Variants in ROBO2 observed in about 807,000 individuals in gnomAD.
ROBO2 encodes roundabout homolog 2.
A neutral mutation model predicts 160.8 loss-of-function variants in ROBO2; 53 were observed. That is an observed-to-expected ratio of 0.33 (90% CI 0.26 to 0.41). ROBO2 has a LOEUF of 0.41. Ranked by LOEUF, ROBO2 falls within the 10% of genes least tolerant of loss-of-function variation. The probability of loss-of-function intolerance (pLI) is 1.00; values close to 1 mark genes in which losing one functional copy is unlikely to be tolerated. For synonymous variants in ROBO2, 664 were observed against 611.7 expected, an observed-to-expected ratio of 1.09 and a Z score of -1.26; for missense variants, 1,577 against 1,722.4, an observed-to-expected ratio of 0.92 and a Z score of 1.49.
intron 2 of ROBO2, among the ~76,000 whole-genome samples, chr3:76,508,093 T>C (rs1008570029): frequency 3.9e-5 from 6 of 152,176 alleles, no homozygotes; most frequent in Non-Finnish European, 8.8e-5. Flanking sequence ...ACCTACACAA[T>C]TTCAAGTACG....
At chr3:76,028,260 G>GAT (rs397690886) in intron 2 of ROBO2, among the ~76,000 whole-genome samples, 2 of 151,172 alleles carry the variant, frequency 1.3e-5, no homozygotes, top group East Asian at 3.9e-4. Context: ...AAATATGAGA[G>GAT]GATAATAATA....
At chr3:76,946,317 G>C (rs2078535916) in intron 2 of ROBO2, among the ~76,000 whole-genome samples, 1 of 152,058 alleles carries the variant, frequency 6.6e-6, no homozygotes, top group Admixed American at 6.6e-5. Flanking sequence ...TCTGTCCAGG[G>C]GTGGGGATTT....
At chr3:76,584,139 C>T (rs1365423717) in intron 2 of ROBO2, among the ~76,000 whole-genome samples, 2 of 152,248 alleles carry the variant, frequency 1.3e-5, no homozygotes, top group African/African-American at 4.8e-5. Context: ...CTGCCTGTCA[C>T]TCCCAGAAAA....
At chr3:76,417,712 A>C (rs2075811996) in intron 2 of ROBO2, among the ~76,000 whole-genome samples, 1 of 152,164 alleles carries the variant, frequency 6.6e-6, no homozygotes, top group Admixed American at 6.5e-5. Flanking sequence ...AAAAATCAAA[A>C]TTCATATTGA....
At chr3:77,515,638 T>C (rs2089934817) in intron 5 of ROBO2, among the ~76,000 whole-genome samples, 1 of 151,658 alleles carries the variant, frequency 6.6e-6, no homozygotes, top group African/African-American at 2.4e-5. Flanking sequence ...AGCTACTCTT[T>C]TGGTAGTATA....
At chr3:77,102,621 G>T (rs892128301) in intron 2 of ROBO2, among the ~76,000 whole-genome samples, 3 of 151,782 alleles carry the variant, frequency 2.0e-5, no homozygotes, top group Admixed American at 6.6e-5. Context: ...AAAAATGTTC[G>T]ATTCTACTAT....
intron 2 of ROBO2, among the ~76,000 whole-genome samples, chr3:76,380,257 A>T (rs779956290): frequency 6.6e-6 from 1 of 152,156 alleles, no homozygotes; most frequent in Non-Finnish European, 1.5e-5. Context: ...CTATAGAAAG[A>T]TTTGGCACAC....
At chr3:76,760,440 T>C (rs1248117122) in intron 2 of ROBO2, among the ~76,000 whole-genome samples, 1 of 151,664 alleles carries the variant, frequency 6.6e-6, no homozygotes, top group Non-Finnish European at 1.5e-5. Context: ...TATAGCAAAA[T>C]GCCAAGAACA....
chr3:76,154,373 A>G (rs1559597629), intron 2 of ROBO2, among the ~76,000 whole-genome samples: 1 of 152,128 alleles, frequency 6.6e-6, no homozygotes, highest in Non-Finnish European at 1.5e-5. Flanking sequence ...TGAAAAATTC[A>G]GGGGTTTTTA....
intron 2 of ROBO2, among the ~76,000 whole-genome samples, chr3:76,457,658 G>T (rs1280932994): frequency 6.6e-6 from 1 of 152,296 alleles, no homozygotes; most frequent in South Asian, 2.1e-4. Context: ...CTTCCACACT[G>T]TGCTAGCTGA....
chr3:76,434,197 G>A (rs1265527258), intron 2 of ROBO2: 2 of 1,104,762 alleles, frequency 1.8e-6, no homozygotes, highest in Non-Finnish European at 2.8e-6. Flanking sequence ...GAGACTGGGG[G>A]AGACGTGCAG....
chr3:76,979,351 T>G (rs2059974429), intron 2 of ROBO2, among the ~76,000 whole-genome samples: 1 of 152,068 alleles, frequency 6.6e-6, no homozygotes. Context: ...TAATTTCTCA[T>G]CCCTCAGCTC....
At chr3:76,659,792 G>T (rs1430013301) in intron 2 of ROBO2, among the ~76,000 whole-genome samples, 1 of 152,166 alleles carries the variant, frequency 6.6e-6, no homozygotes. Context: ...TACCACCACT[G>T]AGGGTTATTC....
At chr3:77,273,979 C>T (rs2059663056) in intron 2 of ROBO2, among the ~76,000 whole-genome samples, 1 of 135,446 alleles carries the variant, frequency 7.4e-6, no homozygotes, top group African/African-American at 2.4e-5. Context: ...CAAGTTGATA[C>T]TTTTTCCTGT....
intron 2 of ROBO2, among the ~76,000 whole-genome samples, chr3:76,685,590 TG>T (rs1300851197): frequency 1.3e-5 from 2 of 152,140 alleles, no homozygotes; most frequent in Non-Finnish European, 2.9e-5. Flanking sequence ...TCATGAATTC[TG>T]GGTTTTTCCA....
intron 2 of ROBO2, among the ~76,000 whole-genome samples, chr3:77,275,955 A>C (rs2059797455): frequency 6.6e-6 from 1 of 152,154 alleles, no homozygotes; most frequent in African/African-American, 2.4e-5. Flanking sequence ...GCTTTTTCTC[A>C]GTGATGACAT....
At chr3:76,225,584 A>G (rs1361783852) in intron 2 of ROBO2, among the ~76,000 whole-genome samples, 1 of 152,088 alleles carries the variant, frequency 6.6e-6, no homozygotes, top group African/African-American at 2.4e-5. Flanking sequence ...GCATGGCAGC[A>G]TGTGCCTGTA....
At chr3:77,620,301 C>T (rs148376583) in intron 22 of ROBO2, among the ~76,000 whole-genome samples, 4 of 152,246 alleles carry the variant, frequency 2.6e-5, no homozygotes, top group African/African-American at 9.6e-5. Flanking sequence ...TCTATTGATT[C>T]GTGAAGTAAA....
chr3:77,196,606 AT>A (rs1355016862), intron 2 of ROBO2, among the ~76,000 whole-genome samples: 2 of 152,072 alleles, frequency 1.3e-5, no homozygotes, highest in Non-Finnish European at 2.9e-5. Flanking sequence ...ACTTAAATAC[AT>A]TGTGGCAGTT....
Sources: allele counts gnomAD v4.1 joint callset (sites outside exome capture counted in the v4.1 genomes callset), GRCh38; gene constraint gnomAD v4.1.1; transcripts MANE v1.5; gene names NCBI Gene and HGNC (gene_info 2026-07-23, HGNC 2026-07-21).